Variants in GDAP1 observed in about 807,000 individuals in gnomAD.
GDAP1 encodes ganglioside-induced differentiation-associated protein 1.
In GDAP1, 34 loss-of-function variants were observed where a neutral mutation model predicts 40.1. That is an observed-to-expected ratio of 0.85 (90% CI 0.64 to 1.13). The LOEUF (loss-of-function observed/expected upper bound fraction) is 1.13. Among genes scored for constraint, GDAP1 ranks in the 50% most tolerant of loss-of-function variants. GDAP1 has a pLI of 0.00. For synonymous variants in GDAP1, 170 were observed against 157.4 expected (o/e 1.08, Z -0.60); for missense variants, 374 against 433.7 (o/e 0.86, Z 1.22).
chr8:74,472,131 CT>C (rs1420728192), intron 2 of GDAP1, among the ~76,000 whole-genome samples: 1 of 152,098 alleles, frequency 6.6e-6, no homozygotes, highest in East Asian at 1.9e-4. Context: ...CTGTTGTTCC[CT>C]TTTGTGTCCA....
chr8:74,413,209 C>T (rs1805737412), intron 2 of GDAP1, among the ~76,000 whole-genome samples: 1 of 149,198 alleles, frequency 6.7e-6, no homozygotes, highest in Admixed American at 6.6e-5. Context: ...TCCCCTGTTT[C>T]TTCTACTTAA....
chr8:74,407,261 T>C (rs1373887648), intron 2 of GDAP1, among the ~76,000 whole-genome samples: 1 of 149,738 alleles, frequency 6.7e-6, no homozygotes, highest in African/African-American at 2.6e-5. Flanking sequence ...ATGAGAACCC[T>C]ATTGTGATGG....
rs182638150 is a variant in GDAP1 at position 74,413,043 on chromosome 8, G to A, written c.165+61722G>A. The stretch of plus-strand genomic sequence containing the variant: ...GATCGCTCCACTGCACTCCAGCCTG[G>A]CGATAAAGCGAGACTCTGTCTCAAA... On this transcript the variant is annotated intron_variant, in intron 2 of 2. Coordinates refer to the GDAP1 transcript ENST00000523640. Among the ~76,000 whole-genome samples, 706 of 99,260 alleles carry A rather than the reference G, an allele frequency of 7.1e-3. 43 individuals carry two copies. Among genetic ancestry groups the A allele is most frequent in the African/African-American group, 0.03 (656 of 22,174 alleles). 65.1% of individuals were successfully genotyped at this position (99,260 alleles called of 152,430 possible). A position where few individuals can be genotyped will look rare whatever the true frequency, so the allele number is the denominator to read the frequency against.
At chr8:74,378,037 C>A (rs1809886591) in intron 2 of GDAP1, among the ~76,000 whole-genome samples, 2 of 152,198 alleles carry the variant, frequency 1.3e-5, no homozygotes, top group Non-Finnish European at 2.9e-5. Flanking sequence ...CTTACTTAAA[C>A]CCACGGATGG....
Position 74,366,467 on chromosome 8 carries a change from A to G in GDAP1, c.*2100A>G, listed in dbSNP as rs1441311828. The stretch of plus-strand genomic sequence containing the variant: ...TGTGAGTGATTTCCAGTGCTTTGAA[A>G]GGGATTACAGTATCACACAATGTCA... On this transcript the variant is annotated 3_prime_UTR_variant, in exon 6 of 6. Coordinates refer to ENST00000220822, the MANE Select transcript of GDAP1 (RefSeq NM_018972.4). The G allele has an allele frequency of 4.4e-6, 2 of 454,534 alleles. No individual in the cohort carries two copies. Among genetic ancestry groups the G allele is most frequent in the East Asian group, 6.9e-5 (1 of 14,398 alleles). 28.2% of individuals were successfully genotyped at this position (454,534 alleles called of 1,614,324 possible).
intron 2 of GDAP1, among the ~76,000 whole-genome samples, chr8:74,413,179 T>C (rs1481886437): frequency 6.7e-6 from 1 of 149,074 alleles, no homozygotes; most frequent in Non-Finnish European, 1.5e-5. Context: ...TGTTTCAGGA[T>C]AAGATGAAGT....
At chr8:74,375,759 G>C (rs1267959660) in intron 2 of GDAP1, among the ~76,000 whole-genome samples, 1 of 152,092 alleles carries the variant, frequency 6.6e-6, no homozygotes, top group Admixed American at 6.6e-5. Flanking sequence ...ACTTCTACTT[G>C]TTATCCCATG....
At chr8:74,359,826 G>A (rs1809269626) in intron 2 of GDAP1, among the ~76,000 whole-genome samples, 1 of 152,232 alleles carries the variant, frequency 6.6e-6, no homozygotes, top group Non-Finnish European at 1.5e-5. Flanking sequence ...CCAGTCAGAT[G>A]TTGGCAGTTG....
intron 2 of GDAP1, among the ~76,000 whole-genome samples, chr8:74,486,474 T>C (rs945914071): frequency 6.6e-6 from 1 of 152,220 alleles, no homozygotes; most frequent in Non-Finnish European, 1.5e-5. Flanking sequence ...CTTTGCATAA[T>C]GCACTTCACG....
intron 2 of GDAP1, among the ~76,000 whole-genome samples, chr8:74,382,688 T>G (rs951839170): frequency 7.9e-5 from 12 of 152,096 alleles, no homozygotes; most frequent in African/African-American, 2.7e-4. Flanking sequence ...GAAAAATAAT[T>G]AATGAAAAAC....
intron 2 of GDAP1, among the ~76,000 whole-genome samples, chr8:74,402,539 C>T (rs953282115): frequency 2.7e-5 from 4 of 150,208 alleles, no homozygotes; most frequent in Admixed American, 1.3e-4. Flanking sequence ...TGCTTCGGCT[C>T]GCGCATGGTG....
chr8:74,423,772 G>T (rs1805912975), intron 2 of GDAP1, among the ~76,000 whole-genome samples: 1 of 152,072 alleles, frequency 6.6e-6, no homozygotes. Flanking sequence ...CATCACAAGA[G>T]AGGAACCCCC....
In GDAP1 at chr8:74,402,260, G is replaced by A. The variant is rs916206004; in HGVS notation, c.165+50939G>A. Reference sequence around the variant, plus strand: ...TACCTAAGCAAGCCTGGGCAATGGCGGGCGCCCCTCCCCCAGCCTCGCTGC... The same window carrying A: ...TACCTAAGCAAGCCTGGGCAATGGCAGGCGCCCCTCCCCCAGCCTCGCTGC... On this transcript the variant is annotated intron_variant, in intron 2 of 2. Coordinates refer to the GDAP1 transcript ENST00000523640. 2.7e-4 allele frequency among the ~76,000 whole-genome samples: 40 copies of A among 150,564 alleles called. 5 individuals are homozygous for A. The highest frequency in any genetic ancestry group is 9.0e-4 in the African/African-American group (36 of 39,840).
intron 2 of GDAP1, among the ~76,000 whole-genome samples, chr8:74,358,306 C>T (rs1317565339): frequency 6.6e-6 from 1 of 152,220 alleles, no homozygotes; most frequent in Non-Finnish European, 1.5e-5. Flanking sequence ...GAGAGAAGCC[C>T]CAGGGCCCAG....
intron 2 of GDAP1, among the ~76,000 whole-genome samples, chr8:74,415,581 T>TAC (rs1445056592): frequency 6.7e-6 from 1 of 150,074 alleles, no homozygotes; most frequent in Non-Finnish European, 1.5e-5. Flanking sequence ...GCCTCTGGGA[T>TAC]ACACACACCT....
At chr8:74,381,125 G>A (rs1294702472) in intron 2 of GDAP1, among the ~76,000 whole-genome samples, 1 of 151,886 alleles carries the variant, frequency 6.6e-6, no homozygotes, top group African/African-American at 2.4e-5. Context: ...ATAAATGAGT[G>A]TATTCATAGT....
intron 1 of GDAP1, 83 bp from the exon 2 acceptor site, chr8:74,351,191 A>G: frequency 8.9e-7 from 1 of 1,119,736 alleles, no homozygotes; most frequent in Non-Finnish European, 1.4e-6. Context: ...AGGGAAGCCC[A>G]GAAAGGCTGC....
chr8:74,372,329 T>C (rs1466286488), intron 2 of GDAP1, among the ~76,000 whole-genome samples: 2 of 152,192 alleles, frequency 1.3e-5, no homozygotes, highest in Non-Finnish European at 1.5e-5. Context: ...TTCTAGATCC[T>C]TGAGGAATCA....
chr8:74,467,865 T>C (rs1265864700), intron 2 of GDAP1, among the ~76,000 whole-genome samples: 1 of 152,168 alleles, frequency 6.6e-6, no homozygotes, highest in Non-Finnish European at 1.5e-5. Context: ...CGTAAAATAA[T>C]TTTTCTATGT....
Sources: gnomAD v4.1 joint callset for allele counts (sites outside exome capture counted in the v4.1 genomes callset) on GRCh38, gnomAD v4.1.1 for gene constraint, MANE v1.5 for transcripts, NCBI Gene and HGNC (gene_info 2026-07-23, HGNC 2026-07-21) for gene names.